The following KDM6B variants were observed in gnomAD, a reference collection of about 807,000 sequenced individuals.
KDM6B encodes the protein lysine demethylase 6B.
In KDM6B, 22 loss-of-function variants were observed where a neutral mutation model predicts 150.4. The observed-to-expected ratio is 0.15, with a 90% CI of 0.10 to 0.21. The LOEUF (loss-of-function observed/expected upper bound fraction) is 0.21, where lower values mean the gene tolerates loss of function less well. KDM6B is among the 10% of genes least tolerant of loss of function. KDM6B has a pLI of 1.00. For synonymous variants in KDM6B, 1,148 were observed against 921.1 expected (o/e 1.25, Z -4.46); for missense variants, 1,984 against 2,234.3 (o/e 0.89, Z 2.26).
chr17:7,841,777 G>C (rs1408166705), intron 2 of KDM6B, among the ~76,000 whole-genome samples: 1 of 152,224 alleles, frequency 6.6e-6, no homozygotes, highest in East Asian at 1.9e-4. Flanking sequence ...GTCACTCCTC[G>C]GTGGGGGGCG....
At chr17:7,834,399 G>A (rs77543954) in intron 1 of KDM6B, among the ~76,000 whole-genome samples, 49 bp downstream of exon 1, 12,335 of 152,106 alleles carry the variant, frequency 0.081, 822 homozygotes, top group East Asian at 0.24. Flanking sequence ...CCCTCTCCTT[G>A]CAGCAGGGCA....
rs764778697 is a variant in KDM6B at position 7,848,599 on chromosome 17, C to A, written c.2311C>A (p.Pro771Thr). ...GGCCACCCAGGAAGAGGAGAAGAAG[C>A]CACCACCAGCCCTACCACCACCACC... ...TTATQEEEKK[P>T]PPALPPPPPL... The change falls in exon 12 of 24, where the codon CCA (proline) becomes ACA (threonine). Residue 771 changes from proline (P) to threonine (T), a missense_variant. Coordinates refer to ENST00000448097, the MANE Select transcript of KDM6B (RefSeq NM_001348716.2). 1 of 1,598,386 alleles carries A rather than the reference C, an allele frequency of 6.3e-7. No homozygotes were observed. Among genetic ancestry groups the A allele is most frequent in the African/African-American group, 1.3e-5 (1 of 74,306 alleles).
chr17:7,847,699 C>G lies in KDM6B; in HGVS notation c.1411C>G (p.Pro471Ala). 2 of 1,538,060 alleles carry G rather than the reference C, an allele frequency of 1.3e-6. No homozygotes were observed. Among genetic ancestry groups the G allele is most frequent in the Non-Finnish European group, 1.8e-6 (2 of 1,140,650 alleles). Residue 471 changes from proline (P) to alanine (A), a missense_variant, in exon 12 of 24, where the codon CCC (proline) becomes GCC (alanine). By Grantham distance (27) the Pro-to-Ala change is conservative. Transcript: ENST00000448097. ...ACCTGGACCTTCCTCACCCCCTCCACCCCCCTGTCCCCGCCTCTTACGCCC... is the reference window on the plus strand; with the variant it reads ...ACCTGGACCTTCCTCACCCCCTCCAGCCCCCTGTCCCCGCCTCTTACGCCC... ...LPPGPSSPPPPPCPRLLRPPP... is the reference protein window; with the variant it reads ...LPPGPSSPPPAPCPRLLRPPP...
Position 7,849,372 on chromosome 17 carries a change from C to A in KDM6B, c.3084C>A (p.Ile1028=). 2 of 1,606,808 alleles carry A rather than the reference C, an allele frequency of 1.2e-6. No individual in the cohort carries two copies. The highest frequency in any genetic ancestry group is 1.7e-6 in the Non-Finnish European group (2 of 1,177,522). Residue 1028 remains isoleucine, a synonymous_variant, in exon 12 of 24, where the codon ATC becomes ATA. Transcript: ENST00000448097. Reference sequence around the variant, plus strand: ...ACCTGGACCTGCAGAGCGAGGAGATCCAGGGTCGTGAGAAGTCCCGGCCCG... The same window carrying A: ...ACCTGGACCTGCAGAGCGAGGAGATACAGGGTCGTGAGAAGTCCCGGCCCG... ...LGNLDLQSEE[I]QGREKSRPDL...
rs111336820 is a variant in KDM6B, at chr17:7,838,086, T to C, written c.-387-1820T>C. 8.1e-3 allele frequency among the ~76,000 whole-genome samples: 1,225 copies of C among 151,410 alleles called. 23 individuals are homozygous for C. The highest frequency in any genetic ancestry group is 0.027 in the African/African-American group (1,126 of 41,102). ...AATAATTGTATTATGGTTCTTGATT[T>C]TGAAGCAAGACCCCAGCCCCCTCCC... On this transcript the variant is annotated intron_variant, in intron 1 of 23. Transcript: ENST00000448097.
chr17:7,846,371 G>GGGGCGGGCCCGGGGGCCCCCC, intron 7 of KDM6B, 29 bp from the exon 8 acceptor site: 4 of 1,488,904 alleles, frequency 2.7e-6, no homozygotes, highest in Non-Finnish European at 2.8e-6. Context: ...CCTGACATCT[G>GGGGCGGGCCCGGGGGCCCCCC]CCCCTGCCCC....
At chr17:7,852,749 C>T (rs1033882520) in intron 21 of KDM6B, 113 bp downstream of exon 21, 10 of 1,475,824 alleles carry the variant, frequency 6.8e-6, no homozygotes, top group Admixed American at 1.7e-5. Context: ...TGCCTGTGCC[C>T]CGAGTGTTAC....
Position 7,849,059 on chromosome 17 carries a change from T to C in KDM6B, c.2771T>C (p.Leu924Pro), listed in dbSNP as rs1270548168. 6.2e-7 allele frequency: 1 copy of C among 1,600,084 alleles called. No homozygotes were observed. The highest frequency in any genetic ancestry group is 8.5e-7 in the Non-Finnish European group (1 of 1,174,946). ...GAGATCAGCCGGGCTTGCGAGACCC[T>C]TGTGGAGCGGGTGGGCCGGAGTGCC... ...LEEISRACET[L>P]VERVGRSATD... Residue 924 changes from leucine to proline, a missense_variant, in exon 12 of 24, where the codon CTT (leucine) becomes CCT (proline). Coordinates refer to ENST00000448097, the MANE Select transcript of KDM6B (RefSeq NM_001348716.2).
At chr17:7,837,975 G>A (rs925952827) in intron 1 of KDM6B, among the ~76,000 whole-genome samples, 11 of 151,900 alleles carry the variant, frequency 7.2e-5, no homozygotes, top group Admixed American at 6.6e-4. Context: ...AAGGCTTTAG[G>A]CAGATTTGTA....
rs2078749670 is a variant in KDM6B at position 7,853,588 on chromosome 17, C to T, written c.*67C>T. 2.4e-6 allele frequency: 3 copies of T among 1,263,478 alleles called. No homozygotes were observed. The highest frequency in any genetic ancestry group is 4.0e-5 in the Admixed American group (1 of 25,122). The allele number at this position is 1,263,478 out of a possible 1,614,324, so 78.3% of individuals were successfully genotyped here. A position where few individuals can be genotyped will look rare whatever the true frequency, so the allele number is the denominator to read the frequency against. On this transcript the variant is annotated 3_prime_UTR_variant, in exon 24 of 24. Coordinates refer to ENST00000448097, the MANE Select transcript of KDM6B (RefSeq NM_001348716.2). ...GCGGGGCCACCAGCACATGCCTGGG[C>T]TGGACCTAGGTCCCGCCTGTGGCCG...
At position 7,851,654 on chromosome 17, in the gene KDM6B, G is replaced by A. The variant is rs1442735868; in HGVS notation, c.4023G>A (p.Lys1341=). The change falls in exon 18 of 24, where the codon AAG becomes AAA. Residue 1341 remains lysine, a synonymous_variant. Transcript: ENST00000448097. ...TCGCACTTCCGCACCGCAGGTGGAA[G>A]CCCCAGCTGCAGGAGCTGCTGAAGC... The part of the protein sequence containing the change: ...NIDLSDAKRW[K]PQLQELLKLP... 4 of 1,590,746 alleles carry A rather than the reference G, an allele frequency of 2.5e-6. No homozygotes were observed. The East Asian group carries it at 9.1e-5, about 36-fold the overall frequency.
rs528662539 is a variant in KDM6B, at chr17:7,852,376, C to A, written c.4468+40C>A. Reference sequence around the variant, plus strand: ...CAGGTGTTGGCGTGGTGTGGCGCCTCAGCGGCAAGGGCCTGGGAGGCTGGG... The same window carrying A: ...CAGGTGTTGGCGTGGTGTGGCGCCTAAGCGGCAAGGGCCTGGGAGGCTGGG... On this transcript the variant is annotated intron_variant, in intron 20 of 23. Transcript: ENST00000448097. 4.4e-6 allele frequency: 7 copies of A among 1,596,568 alleles called. No individual in the cohort carries two copies. In the Admixed American group the frequency reaches 1.2e-4, roughly 27 times the overall value.
At chr17:7,850,926 C>G in intron 14 of KDM6B, 95 bp from the exon 15 acceptor site, 1 of 1,139,882 alleles carries the variant, frequency 8.8e-7, no homozygotes, top group East Asian at 2.6e-5. Flanking sequence ...ACCACCCTGT[C>G]AGAGCCAGAG....
In KDM6B at chr17:7,853,774, C is replaced by T. The variant is rs1457597479; in HGVS notation, c.*253C>T. On this transcript the variant is annotated 3_prime_UTR_variant, in exon 24 of 24. Coordinates refer to ENST00000448097, the MANE Select transcript of KDM6B (RefSeq NM_001348716.2). ...CAGCCCCTCGCCCACCAGCGCCTCC[C>T]CTCACCGACTTTGGCCTTTTTAGCA... The T allele has an allele frequency of 6.6e-6, 2 of 302,446 alleles. No individual in the cohort carries two copies. Among genetic ancestry groups the T allele is most frequent in the African/African-American group, 2.2e-5 (1 of 45,106 alleles). The allele number at this position is 302,446 out of a possible 1,614,324, so 18.7% of individuals were successfully genotyped here. A position where few individuals can be genotyped will look rare whatever the true frequency, so the allele number is the denominator to read the frequency against.
In KDM6B at chr17:7,848,424, G is replaced by T; in HGVS notation, c.2136G>T (p.Gln712His). 1 of 1,613,112 alleles carries T rather than the reference G, an allele frequency of 6.2e-7. No homozygotes were observed. Among genetic ancestry groups the T allele is most frequent in the African/African-American group, 1.3e-5 (1 of 75,030 alleles). The stretch of plus-strand genomic sequence containing the variant: ...AATCCATTCGCAAGGAAGAGGAACA[G>T]CAACAACACGAAGCAGGCGTGGCCC... The part of the protein sequence containing the change: ...LDESIRKEEE[Q>H]QQHEAGVAPQ... Residue 712 changes from glutamine to histidine, a missense_variant, in exon 12 of 24, where the codon CAG becomes CAT. Physicochemically the swap from Gln to His is conservative, Grantham distance 24 (BLOSUM62 0). Transcript: ENST00000448097.
Position 7,846,843 on chromosome 17 carries a change from C to T in KDM6B, c.736C>T (p.Leu246=), listed in dbSNP as rs751732555. The part of the protein sequence containing the change: ...EQTGLPPGLP[L]PPPPLPPPPP... Reference sequence around the variant, plus strand: ...GACTGGCCTTCCCCCAGGGCTGCCACTGCCTCCACCACCATTACCACCACC... The same window carrying T: ...GACTGGCCTTCCCCCAGGGCTGCCATTGCCTCCACCACCATTACCACCACC... Residue 246 remains leucine, a synonymous_variant, in exon 10 of 24, where the codon CTG becomes TTG. Coordinates refer to ENST00000448097, the MANE Select transcript of KDM6B (RefSeq NM_001348716.2). The T allele has an allele frequency of 1.2e-6, 2 of 1,607,764 alleles. No individual in the cohort carries two copies. Among genetic ancestry groups the T allele is most frequent in the Admixed American group, 3.4e-5 (2 of 59,304 alleles).
At position 7,848,551 on chromosome 17, in the gene KDM6B, A is replaced by G; in HGVS notation, c.2263A>G (p.Thr755Ala). 6.7e-7 allele frequency: 1 copy of G among 1,485,540 alleles called. No homozygotes were observed. Among genetic ancestry groups the G allele is most frequent in the Non-Finnish European group, 9.0e-7 (1 of 1,111,416 alleles). 92.0% of individuals were successfully genotyped at this position (1,485,540 alleles called of 1,614,324 possible). A position where few individuals can be genotyped will look rare whatever the true frequency, so the allele number is the denominator to read the frequency against. Residue 755 changes from threonine to alanine, a missense_variant, in exon 12 of 24, where the codon ACC becomes GCC. By Grantham distance (58) the Thr-to-Ala change is moderately conservative. Coordinates refer to ENST00000448097, the MANE Select transcript of KDM6B (RefSeq NM_001348716.2). ...TAPAVAVTTT[T>A]TTTTTTTATQ... ...TCCTGCTGTCGCCGTCACCACCACC[A>G]CCACCACCACCACCACCACCACGGC...
In KDM6B at chr17:7,844,442, C is replaced by T. The variant is rs1158633299; in HGVS notation, c.-268-459C>T. On this transcript the variant is annotated intron_variant, in intron 2 of 23. Transcript: ENST00000448097. The surrounding 1 kb of genome is among the most constrained non-coding windows in gnomAD (Gnocchi z 5.9). ...TAGCGGCGCGGACGGGTTTGGGTGC[C>T]GTGGAAGTCGCTGTGGCTGGCCAGC... 3 of 152,156 alleles carry T rather than the reference C, an allele frequency of 2.0e-5. No homozygotes were observed. The highest frequency in any genetic ancestry group is 1.3e-4 in the Admixed American group (2 of 15,258). The allele number at this position is 152,156 out of a possible 1,614,324, so 9.4% of individuals were successfully genotyped here.
Position 7,853,490 on chromosome 17 carries a change from C to T in KDM6B, c.4909-8C>T, listed in dbSNP as rs1031432600. The T allele has an allele frequency of 4.7e-6, 7 of 1,501,208 alleles. No homozygotes were observed. The highest frequency in any genetic ancestry group is 2.2e-5 in the Admixed American group (1 of 45,620). The allele number at this position is 1,501,208 out of a possible 1,614,324, so 93.0% of individuals were successfully genotyped here. ...TTCCCTGAGCCCCCGCCGGCTTTCT[C>T]CCCCCAGGCCCCAGCCAGCACGTCG... On this transcript the variant is annotated splice_region_variant and splice_polypyrimidine_tract_variant and intron_variant, in intron 23 of 23. Transcript: ENST00000448097.
Sources: gnomAD v4.1 joint callset for allele counts (sites outside exome capture counted in the v4.1 genomes callset) on GRCh38, gnomAD v4.1.1 for gene constraint, Gnocchi (gnomAD v3.1) non-coding constraint, MANE v1.5 for transcripts, NCBI Gene and HGNC (gene_info 2026-07-23, HGNC 2026-07-21) for gene names.